Variants in LGR5 observed in about 807,000 individuals in gnomAD.
The protein encoded by LGR5 is leucine-rich repeat-containing G protein-coupled receptor 5.
LGR5 carries 54 observed loss-of-function variants against 76.7 expected under a neutral mutation model. The ratio of observed to expected loss-of-function variants is 0.70; its 90% confidence interval spans 0.57 to 0.88. The LOEUF (loss-of-function observed/expected upper bound fraction) is 0.88. Ranked by LOEUF, LGR5 falls within the 40% of genes least tolerant of loss-of-function variation. LGR5 has a pLI of 0.00. For synonymous variants in LGR5, 406 were observed against 421.9 expected (o/e 0.96, Z 0.46); for missense variants, 1,078 against 1,073.3 (o/e 1.00, Z -0.06).
chr12:71,519,662 AAAAAAC>A (rs1347676402), intron 2 of LGR5, among the ~76,000 whole-genome samples: 2 of 148,338 alleles, frequency 1.3e-5, no homozygotes, highest in Non-Finnish European at 3.0e-5. Context: ...CAAAAAACAA[AAAAAAC>A]CACAAAAATT....
chr12:71,497,743 T>A (rs1874398219), intron 1 of LGR5, among the ~76,000 whole-genome samples: 1 of 152,216 alleles, frequency 6.6e-6, no homozygotes, highest in Admixed American at 6.5e-5. Context: ...AAATTTAAAA[T>A]GATTATACTT....
At chr12:71,469,524 A>G (rs1421728729) in intron 1 of LGR5, among the ~76,000 whole-genome samples, 2 of 152,180 alleles carry the variant, frequency 1.3e-5, no homozygotes, top group African/African-American at 2.4e-5. Flanking sequence ...TTGTTTGCCC[A>G]TTTCCCTGGG....
intron 1 of LGR5, among the ~76,000 whole-genome samples, chr12:71,475,556 T>C (rs57583049): frequency 0.023 from 3,465 of 152,114 alleles, 135 homozygotes; most frequent in African/African-American, 0.079. Context: ...CAATCTATTG[T>C]AGTTTCTGCA....
In LGR5 at chr12:71,561,824, T is replaced by C. The variant is rs1878074770; in HGVS notation, c.829T>C (p.Phe277Leu). ...TATCAGGTCGATACCTGAGAAAGCA[T>C]TTGTAGGCAACCCTTCTCTTATTAC... ...NNIRSIPEKAFVGNPSLITIH... is the reference protein window; with the variant it reads ...NNIRSIPEKALVGNPSLITIH... The change falls in exon 8 of 18, where the codon TTT becomes CTT. Residue 277 changes from phenylalanine to leucine, a missense_variant. By Grantham distance (22) the Phe-to-Leu change is conservative. Transcript: ENST00000266674. 13 of 1,606,712 alleles carry C rather than the reference T, an allele frequency of 8.1e-6. No individual in the cohort carries two copies. The highest frequency in any genetic ancestry group is 1.1e-5 in the Non-Finnish European group (13 of 1,174,826).
intron 1 of LGR5, among the ~76,000 whole-genome samples, chr12:71,486,650 T>A (rs79104193): frequency 0.011 from 1,634 of 152,332 alleles, 38 homozygotes; most frequent in African/African-American, 0.037. Flanking sequence ...AATTGTGTTG[T>A]GCTGTGTTGA....
rs371141556 is a variant in LGR5, at chr12:71,567,054, C to G, written c.1070+142C>G. 7.9e-5 allele frequency: 54 copies of G among 679,780 alleles called. 1 individual carries two copies. The African/African-American group carries it at 9.0e-4, about 11-fold the overall frequency. 42.1% of individuals were successfully genotyped at this position (679,780 alleles called of 1,614,324 possible). A position where few individuals can be genotyped will look rare whatever the true frequency, so the allele number is the denominator to read the frequency against. ...CTGCAGGAGGTCAAGCCTCCTTTGC[C>G]CTCTTTGGTCCAGGCTCTCTGACAT... On this transcript the variant is annotated intron_variant, in intron 11 of 17. Coordinates refer to ENST00000266674, the MANE Select transcript of LGR5 (RefSeq NM_003667.4).
chr12:71,446,640 C>G (rs1872007830), intron 1 of LGR5, among the ~76,000 whole-genome samples: 1 of 152,182 alleles, frequency 6.6e-6, no homozygotes, highest in East Asian at 1.9e-4. Context: ...AGAAAACAGG[C>G]TTTCCAATTT....
At chr12:71,556,415 G>T (rs1309384875) in intron 5 of LGR5, among the ~76,000 whole-genome samples, 1 of 152,066 alleles carries the variant, frequency 6.6e-6, no homozygotes, top group Non-Finnish European at 1.5e-5. Flanking sequence ...GAAGCTAAAA[G>T]GTAAAAAACT....
chr12:71,556,967 G>A (rs931759559), intron 6 of LGR5, among the ~76,000 whole-genome samples: 12 of 152,212 alleles, frequency 7.9e-5, no homozygotes, highest in African/African-American at 2.9e-4. Flanking sequence ...GCTTAGAAAT[G>A]TGTAGTCTCT....
chr12:71,519,792 T>TGTA (rs1875638761), intron 2 of LGR5, among the ~76,000 whole-genome samples: 1 of 151,854 alleles, frequency 6.6e-6, no homozygotes, highest in African/African-American at 2.4e-5. Context: ...GCCACTACAC[T>TGTA]GTAGCCTGGG....
chr12:71,439,779 G>C (rs1871661661), upstream of LGR5: 1 of 365,220 alleles, frequency 2.7e-6, no homozygotes, highest in African/African-American at 2.1e-5. Flanking sequence ...TAAAAAACGA[G>C]CGTGCAAGCA....
chr12:71,543,432 G>T lies in LGR5; in HGVS notation c.428+8246G>T, dbSNP rs141726908. On this transcript the variant is annotated intron_variant, in intron 4 of 17. Coordinates refer to ENST00000266674, the MANE Select transcript of LGR5 (RefSeq NM_003667.4). The stretch of plus-strand genomic sequence containing the variant: ...ATATTAAGTCTTGGAAGGTTAATGA[G>T]ATTCAGATAGGCAGTGGGTAGGGGA... 5.1e-3 allele frequency among the ~76,000 whole-genome samples: 783 copies of T among 152,308 alleles called. 3 individuals carry two copies. Among genetic ancestry groups the T allele is most frequent in the Non-Finnish European group, 8.3e-3 (562 of 68,026 alleles).
Position 71,572,915 on chromosome 12 carries a change from G to T in LGR5, c.1202G>T (p.Arg401Leu). ...VDTFQQLLSL[R>L]SLNLAWNKIA... Reference sequence around the variant, plus strand: ...ACTTTCCAGCAGTTGCTTAGCCTCCGATCGCTGTGAGTATCACCTCCCAGT... The same window carrying T: ...ACTTTCCAGCAGTTGCTTAGCCTCCTATCGCTGTGAGTATCACCTCCCAGT... Residue 401 changes from arginine (R) to leucine (L), a missense_variant, in exon 13 of 18, where the codon CGA becomes CTA. Coordinates refer to ENST00000266674, the MANE Select transcript of LGR5 (RefSeq NM_003667.4). 1 of 1,612,628 alleles carries T rather than the reference G, an allele frequency of 6.2e-7. No individual in the cohort carries two copies. The highest frequency in any genetic ancestry group is 8.5e-7 in the Non-Finnish European group (1 of 1,178,704).
At chr12:71,442,211 C>A (rs543692034) in intron 1 of LGR5, among the ~76,000 whole-genome samples, 2 of 152,156 alleles carry the variant, frequency 1.3e-5, no homozygotes, top group African/African-American at 2.4e-5. Flanking sequence ...GTTAGGCTTC[C>A]GTTACTAAAA....
At chr12:71,446,971 G>A (rs1165676974) in intron 1 of LGR5, among the ~76,000 whole-genome samples, 1 of 152,136 alleles carries the variant, frequency 6.6e-6, no homozygotes, top group Admixed American at 6.5e-5. Flanking sequence ...TAACCACCTA[G>A]GCAAGAATAA....
At chr12:71,579,323 A>C (rs1878993890) in intron 15 of LGR5, among the ~76,000 whole-genome samples, 1 of 152,224 alleles carries the variant, frequency 6.6e-6, no homozygotes, top group Non-Finnish European at 1.5e-5. Flanking sequence ...TGTTTGAGGA[A>C]GTAATGCTGC....
intron 2 of LGR5, among the ~76,000 whole-genome samples, chr12:71,522,078 G>A (rs544055691): frequency 2.6e-5 from 4 of 152,152 alleles, no homozygotes; most frequent in African/African-American, 4.8e-5. Flanking sequence ...AAGGGCTAGA[G>A]GGGGGAATGT....
upstream of LGR5, among the ~76,000 whole-genome samples, chr12:71,439,406 T>C (rs1331597430): frequency 6.6e-6 from 1 of 152,202 alleles, no homozygotes; most frequent in Admixed American, 6.5e-5. Context: ...TCATCCATTA[T>C]TTGAAGCGGG....
At chr12:71,531,019 G>A (rs1336199973) in intron 3 of LGR5, among the ~76,000 whole-genome samples, 1 of 150,800 alleles carries the variant, frequency 6.6e-6, no homozygotes, top group African/African-American at 2.4e-5. Context: ...AAAAAGTGGG[G>A]GAGGGACCAA....
Sources: allele counts gnomAD v4.1 joint callset (sites outside exome capture counted in the v4.1 genomes callset), GRCh38; gene constraint gnomAD v4.1.1; transcripts MANE v1.5; gene names NCBI Gene and HGNC (gene_info 2026-07-23, HGNC 2026-07-21).